SLC8B1: variants seen among roughly 807,000 people sequenced by gnomAD.
SLC8B1 encodes the protein mitochondrial sodium/calcium exchanger protein.
A neutral mutation model predicts 63.4 loss-of-function variants in SLC8B1; 52 were observed. The observed-to-expected ratio is 0.82, with a 90% CI of 0.66 to 1.03. The LOEUF (loss-of-function observed/expected upper bound fraction) is 1.03. Among genes scored for constraint, SLC8B1 ranks in the 50% least tolerant of loss-of-function variants. SLC8B1 has a pLI of 0.00. For missense variants in SLC8B1, 657 were observed against 741.7 expected (o/e 0.89, Z 1.33); for synonymous variants, 336 against 323.9 (o/e 1.04, Z -0.40).
chr12:113,319,552 C>G (rs1301457046), intron 7 of SLC8B1, among the ~76,000 whole-genome samples: 1 of 152,178 alleles, frequency 6.6e-6, no homozygotes, highest in Non-Finnish European at 1.5e-5. Context: ...TCACTGGGCT[C>G]CACCACCCCC....
At position 113,334,426 on chromosome 12, in the gene SLC8B1, C is replaced by T. The variant is rs1051229606; in HGVS notation, c.-83+17G>A. 1 of 152,052 alleles carries T rather than the reference C, an allele frequency of 6.6e-6. No homozygotes were observed. The highest frequency in any genetic ancestry group is 1.5e-5 in the Non-Finnish European group (1 of 68,024). The allele number at this position is 152,052 out of a possible 1,614,324, so 9.4% of individuals were successfully genotyped here. A position where few individuals can be genotyped will look rare whatever the true frequency, so the allele number is the denominator to read the frequency against. Reference sequence around the variant, plus strand: ...AAGAGAGGTCAGAAAGGCGCCTGTCCCAGCCAGGTTCCTTACCTGTCCACG... The same window carrying T: ...AAGAGAGGTCAGAAAGGCGCCTGTCTCAGCCAGGTTCCTTACCTGTCCACG... On this transcript the variant is annotated intron_variant, in intron 1 of 15. Transcript: ENST00000680972.
In SLC8B1 at chr12:113,315,468, C is replaced by T. The variant is rs1424623849; in HGVS notation, c.1002G>A (p.Val334=). ...GGACTGTGAGGAGCAGCAGGAACTC[C>T]ACAGGCAGCTGTCAAGGGGGCAAAA... ...WKALKVFKLP[V]EFLLLLTVPV... is the part of the protein sequence containing the mutation. The change falls in exon 11 of 16, where the codon GTG becomes GTA. Residue 334 remains valine, a synonymous_variant. Coordinates refer to ENST00000680972, the MANE Select transcript of SLC8B1 (RefSeq NM_001358345.2). The T allele has an allele frequency of 1.1e-5, 17 of 1,594,872 alleles. No homozygotes were observed. The highest frequency in any genetic ancestry group is 1.5e-5 in the Non-Finnish European group (17 of 1,171,394).
rs781159760 is a variant in SLC8B1, at chr12:113,299,890, G to A, written c.1642C>T (p.Gln548Ter). The A allele has an allele frequency of 6.2e-7, 1 of 1,614,240 alleles. No homozygotes were observed. The highest frequency in any genetic ancestry group is 1.1e-5 in the South Asian group (1 of 91,092). The change falls in exon 16 of 16, where the codon CAG (glutamine) becomes TAG (stop). Residue 548 changes from glutamine (Q) to a stop codon, truncating the protein, a stop_gained. Transcript: ENST00000680972. LOFTEE classifies it high-confidence loss of function. ...LVFSLVSVPL[Q>*]CFQLSRVYGF... The stretch of plus-strand genomic sequence containing the variant: ...TAGACTCTGCTGAGCTGGAAGCACT[G>A]CAATGGGACTGAGACCAGGGAGAAG...
chr12:113,304,558 G>A (rs1956647004), intron 14 of SLC8B1, among the ~76,000 whole-genome samples, 173 bp from the exon 15 acceptor site: 1 of 152,172 alleles, frequency 6.6e-6, no homozygotes, highest in African/African-American at 2.4e-5. Flanking sequence ...GGCCAAGGCA[G>A]GAGGATCACT....
chr12:113,310,907 G>T (rs1460792350), intron 11 of SLC8B1, among the ~76,000 whole-genome samples: 1 of 152,216 alleles, frequency 6.6e-6, no homozygotes, highest in Non-Finnish European at 1.5e-5. Context: ...CTAGGAGTTG[G>T]TACTGGTCTT....
At chr12:113,326,814 G>A (rs558369591) in intron 2 of SLC8B1, among the ~76,000 whole-genome samples, 6 of 152,114 alleles carry the variant, frequency 3.9e-5, no homozygotes, top group African/African-American at 1.2e-4. Context: ...AGTGGCTGGA[G>A]CTACAAATGT....
rs894315104 is a variant in SLC8B1 at position 113,316,984 on chromosome 12, C to T, written c.820G>A (p.Glu274Lys). Residue 274 changes from glutamate to lysine, a missense_variant, in exon 9 of 16, where the codon GAG becomes AAG. Physicochemically the swap from Glu to Lys is moderately conservative, Grantham distance 56. Transcript: ENST00000680972. ...PVTPEILSDS[E>K]EDRVSSNTNS... ...GTATTAGAAGATACCCGGTCCTCCT[C>T]GGAGTCTGAGAGGATCTCTGCAGGA... 5.0e-6 allele frequency: 8 copies of T among 1,613,072 alleles called. No individual in the cohort carries two copies. Among genetic ancestry groups the T allele is most frequent in the East Asian group, 2.2e-5 (1 of 44,894 alleles).
rs1314198169 is a variant in SLC8B1 at position 113,324,310 on chromosome 12, C to CA, written c.157-2963dup. 7.1e-3 allele frequency among the ~76,000 whole-genome samples: 695 copies of CA among 97,354 alleles called. 8 individuals carry two copies. Among genetic ancestry groups the CA allele is most frequent in the African/African-American group, 0.028 (631 of 22,710 alleles). 63.9% of individuals were successfully genotyped at this position (97,354 alleles called of 152,430 possible). ...CCTGGGTGACAGAGCAAGCCTGTCT[C>CA]AAAAAAAAACAAACAAACAAAAAAA... On this transcript the variant is annotated intron_variant, in intron 2 of 15. Transcript: ENST00000680972.
Position 113,299,816 on chromosome 12 carries a change from G to A in SLC8B1, c.1716C>T (p.Leu572=), listed in dbSNP as rs1956548360. The A allele has an allele frequency of 6.2e-7, 1 of 1,614,250 alleles. No homozygotes were observed. The highest frequency in any genetic ancestry group is 8.5e-7 in the Non-Finnish European group (1 of 1,180,046). The change falls in exon 16 of 16, where the codon CTC becomes CTT. Residue 572 remains leucine (L), a synonymous_variant. Transcript: ENST00000680972. ...GGTGAATCACTCCAAATTCAGTGAG[G>A]AGGGCCACGACAAGGAAGTTCAGGT... is the stretch of plus-strand genomic sequence containing the variant. ...LFYLNFLVVA[L]LTEFGVIHLK... is the part of the protein sequence containing the mutation.
Position 113,307,696 on chromosome 12 carries a change from A to G in SLC8B1, c.1406T>C (p.Ile469Thr), listed in dbSNP as rs1956694582. The change falls in exon 13 of 16, where the codon ATT becomes ACT. Residue 469 changes from isoleucine to threonine, a missense_variant. Physicochemically the swap from Ile to Thr is moderately conservative, Grantham distance 89 (BLOSUM62 -1). Coordinates refer to ENST00000680972, the MANE Select transcript of SLC8B1 (RefSeq NM_001358345.2). The stretch of plus-strand genomic sequence containing the variant: ...CCCACCCAGCCCTGAGTCACCTCCA[A>G]TGCTGTTCCCCCAGGCCAGCAGCGT... Reference protein sequence around the residue: ...GLTLLAWGNSIGDAFSDFTLA... With the variant: ...GLTLLAWGNSTGDAFSDFTLA... The G allele has an allele frequency of 9.9e-6, 16 of 1,613,582 alleles. No homozygotes were observed. Among genetic ancestry groups the G allele is most frequent in the Non-Finnish European group, 1.3e-5 (15 of 1,179,768 alleles).
intron 2 of SLC8B1, among the ~76,000 whole-genome samples, chr12:113,332,456 G>A (rs7965777): frequency 0.11 from 17,305 of 152,122 alleles, 1,071 homozygotes; most frequent in African/African-American, 0.17. Context: ...GTAGATACGG[G>A]GTTTTGACAC....
In SLC8B1 at chr12:113,332,773, T is replaced by C. The variant is rs142013378; in HGVS notation, c.106A>G (p.Ile36Val). 7.2e-5 allele frequency: 116 copies of C among 1,614,152 alleles called. No homozygotes were observed. The African/African-American group carries it at 1.4e-3, about 19-fold the overall frequency. ...GTRGSSTGAH[I>V]SPQFPASGVN... is the part of the protein sequence containing the mutation. Reference sequence around the variant, plus strand: ...CCTGAAGCTGGAAACTGGGGGCTAATGTGAGCTCCTGTAGACGAGCCCCTA... The same window carrying C: ...CCTGAAGCTGGAAACTGGGGGCTAACGTGAGCTCCTGTAGACGAGCCCCTA... Residue 36 changes from isoleucine to valine, a missense_variant, in exon 2 of 16, where the codon ATT becomes GTT. By Grantham distance (29) the Ile-to-Val change is conservative. Coordinates refer to ENST00000680972, the MANE Select transcript of SLC8B1 (RefSeq NM_001358345.2).
chr12:113,299,871 C>G lies in SLC8B1; in HGVS notation c.1661G>C (p.Arg554Thr). 1.2e-6 allele frequency: 2 copies of G among 1,614,234 alleles called. No homozygotes were observed. The highest frequency in any genetic ancestry group is 1.7e-6 in the Non-Finnish European group (2 of 1,180,038). The change falls in exon 16 of 16, where the codon AGA becomes ACA. Residue 554 changes from arginine to threonine, a missense_variant. Transcript: ENST00000680972. ...GAGGAGCAGGCAGAAGCCATAGACT[C>G]TGCTGAGCTGGAAGCACTGCAATGG... ...SVPLQCFQLSRVYGFCLLLFY... is the reference protein window; with the variant it reads ...SVPLQCFQLSTVYGFCLLLFY...
chr12:113,323,887 A>G (rs985089280), intron 2 of SLC8B1, among the ~76,000 whole-genome samples: 6 of 152,048 alleles, frequency 3.9e-5, no homozygotes, highest in African/African-American at 1.4e-4. Flanking sequence ...TGGCCTTCTC[A>G]CCAATTTTTG....
Position 113,320,736 on chromosome 12 carries a change from A to G in SLC8B1, c.421-50T>C, listed in dbSNP as rs1476031471. The G allele has an allele frequency of 2.5e-6, 4 of 1,590,486 alleles. No homozygotes were observed. In the South Asian group the frequency reaches 4.5e-5, roughly 18 times the overall value. The stretch of plus-strand genomic sequence containing the variant: ...CCAGGATCGCAGCTGCAGCCCACCC[A>G]GGCCTTCGACCCTATCCCCCAGCTT... On this transcript the variant is annotated intron_variant, in intron 5 of 15. Transcript: ENST00000680972. The surrounding 1 kb of genome is among the most constrained non-coding windows in gnomAD (Gnocchi z 5.3).
Position 113,316,598 on chromosome 12 carries a change from C to A in SLC8B1, c.921G>T (p.Arg307=), listed in dbSNP as rs755090268. 8.1e-6 allele frequency: 13 copies of A among 1,614,188 alleles called. 1 individual carries two copies. In the South Asian group the frequency reaches 9.9e-5, roughly 12 times the overall value. The change falls in exon 10 of 16, where the codon CGG becomes CGT. Residue 307 remains arginine (R), a synonymous_variant. Transcript: ENST00000680972. ...YQETTAQILV[R]ALNPLDYMKW... ...TCATGTAATCCAGGGGATTGAGGGC[C>A]CGGACCAGGATCTGAGCCGTGGTCT...
chr12:113,316,736 G>C, intron 9 of SLC8B1, 80 bp from the exon 10 acceptor site: 1 of 1,578,046 alleles, frequency 6.3e-7, no homozygotes, highest in Non-Finnish European at 8.6e-7. Context: ...CATCCCACCA[G>C]TCCTCCCAGC....
At chr12:113,306,851 C>G in intron 13 of SLC8B1, 2 of 495,250 alleles carry the variant, frequency 4.0e-6, no homozygotes, top group Middle Eastern at 5.2e-4. Flanking sequence ...TGGCTCACAC[C>G]TGTAATCCCA....
At chr12:113,329,470 T>A (rs1957033044) in intron 2 of SLC8B1, among the ~76,000 whole-genome samples, 1 of 151,934 alleles carries the variant, frequency 6.6e-6, no homozygotes, top group Admixed American at 6.6e-5. Flanking sequence ...GCAGAGTGAG[T>A]CAGCAAGGTG....
Sources: allele counts gnomAD v4.1 joint callset (sites outside exome capture counted in the v4.1 genomes callset), GRCh38; gene constraint gnomAD v4.1.1; non-coding constraint Gnocchi (gnomAD v3.1); transcripts MANE v1.5; gene names NCBI Gene and HGNC (gene_info 2026-07-23, HGNC 2026-07-21).